The following TENM4 variants were observed in gnomAD, a reference collection of about 807,000 sequenced individuals.
TENM4 encodes the protein teneurin transmembrane protein 4, also known as teneurin-4.
A neutral mutation model predicts 243.3 loss-of-function variants in TENM4; 82 were observed. The observed-to-expected ratio is 0.34, with a 90% CI of 0.28 to 0.40. TENM4 has a LOEUF of 0.40. Ranked by LOEUF, TENM4 falls within the 10% of genes least tolerant of loss-of-function variation. TENM4 has a pLI of 1.00. For synonymous variants in TENM4, 1,412 were observed against 1,456.3 expected, an observed-to-expected ratio of 0.97 and a Z score of 0.69; for missense variants, 3,138 against 3,673.3, an observed-to-expected ratio of 0.85 and a Z score of 3.77.
intron 6 of TENM4, among the ~76,000 whole-genome samples, chr11:79,033,090 A>C (rs1015059136): frequency 2.0e-5 from 3 of 151,816 alleles, no homozygotes; most frequent in African/African-American, 7.3e-5. Flanking sequence ...TTTTATCCCC[A>C]CTCCTCAGGG....
Position 79,148,702 on chromosome 11 carries a change from C to T in TENM4, c.-66+8G>A. ...ATACTCTCTGAAGTGTAAAAAAAAT[C>T]AACTCACTTTTCTTTAAATCTTCTT... On this transcript the variant is annotated splice_region_variant and intron_variant, in intron 4 of 33. Transcript: ENST00000278550. 1 of 926,470 alleles carries T rather than the reference C, an allele frequency of 1.1e-6. No individual in the cohort carries two copies. The highest frequency in any genetic ancestry group is 1.3e-6 in the Non-Finnish European group (1 of 776,278). 57.4% of individuals were successfully genotyped at this position (926,470 alleles called of 1,614,324 possible). A position where few individuals can be genotyped will look rare whatever the true frequency, so the allele number is the denominator to read the frequency against.
intron 1 of TENM4, among the ~76,000 whole-genome samples, chr11:79,405,014 T>C (rs1039528069): frequency 1.3e-5 from 2 of 152,104 alleles, no homozygotes; most frequent in African/African-American, 4.8e-5. Context: ...GTGCATTTGT[T>C]GACTTATGTC....
chr11:78,998,541 T>C (rs1368935367), intron 6 of TENM4, among the ~76,000 whole-genome samples: 2 of 152,032 alleles, frequency 1.3e-5, no homozygotes. Flanking sequence ...TATAATGATC[T>C]CCGAAGTGAT....
At chr11:79,146,806 T>C (rs1038402693) in intron 4 of TENM4, among the ~76,000 whole-genome samples, 2 of 152,040 alleles carry the variant, frequency 1.3e-5, no homozygotes, top group Admixed American at 1.3e-4. Flanking sequence ...ACTGTACCAC[T>C]CTTATCAAAT....
At chr11:78,991,163 A>G (rs1371356706) in intron 6 of TENM4, among the ~76,000 whole-genome samples, 3 of 152,178 alleles carry the variant, frequency 2.0e-5, no homozygotes, top group Admixed American at 6.5e-5. Context: ...GGCACTGAAT[A>G]CACTGAAGCT....
chr11:79,146,381 G>A (rs1031882749), intron 4 of TENM4, among the ~76,000 whole-genome samples: 1 of 152,092 alleles, frequency 6.6e-6, no homozygotes, highest in Non-Finnish European at 1.5e-5. Context: ...TACCTTGAGT[G>A]ATACCAGTTT....
At chr11:79,025,032 T>A (rs73504636) in intron 6 of TENM4, among the ~76,000 whole-genome samples, 4,464 of 152,232 alleles carry the variant, frequency 0.029, 149 homozygotes, top group East Asian at 0.075. Flanking sequence ...GGCAGCATTT[T>A]GAGAATTGGC....
chr11:79,330,612 C>T (rs1398497896), intron 1 of TENM4, among the ~76,000 whole-genome samples: 1 of 152,188 alleles, frequency 6.6e-6, no homozygotes, highest in Non-Finnish European at 1.5e-5. Context: ...CCAAGGGTAA[C>T]TGTGAGAATC....
chr11:79,178,935 G>C (rs1034835281), intron 3 of TENM4, among the ~76,000 whole-genome samples: 1 of 152,244 alleles, frequency 6.6e-6, no homozygotes, highest in African/African-American at 2.4e-5. Flanking sequence ...CTAGAAGAAA[G>C]TAGCAGAGGA....
intron 9 of TENM4, among the ~76,000 whole-genome samples, chr11:78,879,995 C>T (rs182920823): frequency 0.013 from 1,974 of 152,086 alleles, 36 homozygotes; most frequent in African/African-American, 0.038. Context: ...ATGACGATGG[C>T]GGTTTTGTCG....
intron 3 of TENM4, among the ~76,000 whole-genome samples, chr11:79,213,990 A>C (rs1424623294): frequency 7.2e-6 from 1 of 138,890 alleles, no homozygotes; most frequent in Non-Finnish European, 1.6e-5. Context: ...GAAAGCAAAA[A>C]ATAAATTTTT....
At chr11:79,068,241 T>C (rs1860316037) in intron 5 of TENM4, 1 of 152,262 alleles carries the variant, frequency 6.6e-6, no homozygotes, top group Non-Finnish European at 1.5e-5. Context: ...GTCAAGTGTT[T>C]CATTTATAGT....
chr11:79,189,496 T>C (rs1240961962), intron 3 of TENM4, among the ~76,000 whole-genome samples: 1 of 152,246 alleles, frequency 6.6e-6, no homozygotes, highest in Non-Finnish European at 1.5e-5. Context: ...CAGCATACAG[T>C]AGGTGTTCAT....
At chr11:78,946,234 G>A (rs1257329925) in intron 6 of TENM4, among the ~76,000 whole-genome samples, 2 of 152,198 alleles carry the variant, frequency 1.3e-5, no homozygotes, top group Non-Finnish European at 2.9e-5. Flanking sequence ...GAAGTTGAAG[G>A]CAGTGCTCAT....
At chr11:79,137,897 G>A (rs1386806433) in intron 4 of TENM4, among the ~76,000 whole-genome samples, 1 of 152,012 alleles carries the variant, frequency 6.6e-6, no homozygotes, top group Non-Finnish European at 1.5e-5. Flanking sequence ...AGATGTGCAT[G>A]GGTTCAGGTT....
chr11:78,756,962 G>A lies in TENM4; in HGVS notation c.2599C>T (p.Pro867Ser). ...GGGTTAGGGGAGCCAAGGCACAGCG[G>A]GTTGATATGGCACAGGGGCTGGAGG... ...CCLQPLCHINPLCLGSPNPLD... is the reference protein window; with the variant it reads ...CCLQPLCHINSLCLGSPNPLD... Residue 867 changes from proline (P) to serine (S), a missense_variant, in exon 19 of 34, where the codon CCG becomes TCG. Pro to Ser is a moderately conservative substitution (Grantham distance 74). Around this residue, in one of 2 missense-constraint regions of TENM4, gnomAD observed 2,467 missense variants for 3,059.1 expected, o/e 0.81. Transcript: ENST00000278550. 6.2e-7 allele frequency: 1 copy of A among 1,614,008 alleles called. No individual in the cohort carries two copies. The highest frequency in any genetic ancestry group is 1.3e-5 in the African/African-American group (1 of 75,056).
chr11:79,383,743 T>C (rs569751136), intron 1 of TENM4, among the ~76,000 whole-genome samples: 1 of 152,136 alleles, frequency 6.6e-6, no homozygotes, highest in African/African-American at 2.4e-5. Flanking sequence ...TTTACTGTAG[T>C]CTAAAACAAA....
intron 1 of TENM4, among the ~76,000 whole-genome samples, chr11:79,341,645 A>C (rs182468736): frequency 6.6e-6 from 1 of 152,350 alleles, no homozygotes; most frequent in Non-Finnish European, 1.5e-5. Context: ...GGCCTCCAAC[A>C]ACTGTAGAAT....
At chr11:78,685,574 G>T (rs1258253446) in intron 29 of TENM4, among the ~76,000 whole-genome samples, 2 of 152,160 alleles carry the variant, frequency 1.3e-5, no homozygotes, top group South Asian at 2.1e-4. Context: ...TGCCTAAAAA[G>T]TTATTAAATT....
Sources: gnomAD v4.1 joint callset for allele counts (sites outside exome capture counted in the v4.1 genomes callset) on GRCh38, gnomAD v4.1.1 for gene constraint, gnomAD v4.1.1 regional missense constraint, MANE v1.5 for transcripts, NCBI Gene and HGNC (gene_info 2026-07-23, HGNC 2026-07-21) for gene names.